AR: variants seen among roughly 807,000 people sequenced by gnomAD.
AR encodes dihydrotestosterone receptor.
AR carries 8 observed loss-of-function variants against 53.9 expected under a neutral mutation model. That is an observed-to-expected ratio of 0.15 (90% CI 0.09 to 0.27). The LOEUF is 0.27. Among genes scored for constraint, AR ranks in the 10% least tolerant of loss-of-function variants. The pLI is 1.00. For synonymous variants in AR, 359 were observed against 316.4 expected, an observed-to-expected ratio of 1.13 and a Z score of -1.43; for missense variants, 639 against 742.5, an observed-to-expected ratio of 0.86 and a Z score of 1.62.
chrX:67,664,359 G>A (rs1180125231), intron 2 of AR, among the ~76,000 whole-genome samples: 1 of 112,226 alleles, frequency 8.9e-6, no homozygotes, highest in Non-Finnish European at 1.9e-5. Flanking sequence ...CTGCAGGTCT[G>A]TTGGAGTTTG....
chrX:67,628,099 A>G (rs1230365035), intron 1 of AR, among the ~76,000 whole-genome samples: 1 of 111,600 alleles, frequency 9.0e-6, no homozygotes, highest in Non-Finnish European at 1.9e-5. Flanking sequence ...CTTTTGGCTT[A>G]GGATTGACTT....
chrX:67,667,357 G>A (rs764855857), intron 2 of AR, among the ~76,000 whole-genome samples: 3 of 111,374 alleles, frequency 2.7e-5, no homozygotes, highest in Non-Finnish European at 5.7e-5. Flanking sequence ...TTGAAAATAA[G>A]TTCACTGTAG....
At chrX:67,658,911 ACCTT>A (rs1212987701) in intron 2 of AR, among the ~76,000 whole-genome samples, 1 of 111,595 alleles carries the variant, frequency 9.0e-6, no homozygotes, top group Non-Finnish European at 1.9e-5. Context: ...TGATAACCAA[ACCTT>A]TACGAATAGT....
chrX:67,672,602 T>TA (rs964448441), intron 2 of AR, among the ~76,000 whole-genome samples: 1 of 111,511 alleles, frequency 9.0e-6, no homozygotes, highest in Non-Finnish European at 1.9e-5. Context: ...CTCTATCGCA[T>TA]AAAAAAACAT....
intron 2 of AR, among the ~76,000 whole-genome samples, chrX:67,665,244 G>A (rs899549346): frequency 7.1e-5 from 8 of 112,158 alleles, no homozygotes; most frequent in African/African-American, 1.9e-4. Flanking sequence ...GTTCCTATTC[G>A]GCCATCTTCA....
At chrX:67,695,832 CACAT>C in intron 3 of AR, 1 of 748,596 alleles carries the variant, frequency 1.3e-6, no homozygotes, top group Middle Eastern at 7.6e-4. Context: ...CACACACACA[CACAT>C]ACACACACAC....
intron 1 of AR, among the ~76,000 whole-genome samples, chrX:67,616,560 G>A (rs1027830019): frequency 7.2e-5 from 8 of 111,280 alleles, no homozygotes; most frequent in Middle Eastern, 4.6e-3. Flanking sequence ...GTAGTCCATC[G>A]TGTATATGTG....
intron 1 of AR, among the ~76,000 whole-genome samples, chrX:67,571,693 A>AT (rs979271501): frequency 9.0e-6 from 1 of 111,298 alleles, no homozygotes; most frequent in African/African-American, 3.3e-5. Context: ...TATTCAAATA[A>AT]TTTTTTTAAT....
intron 2 of AR, among the ~76,000 whole-genome samples, chrX:67,648,069 C>T (rs1464070816): frequency 8.9e-6 from 1 of 111,759 alleles, no homozygotes; most frequent in Non-Finnish European, 1.9e-5. Flanking sequence ...TATAAATCTG[C>T]ATAGGTTTTA....
At chrX:67,626,301 G>T (rs1404505350) in intron 1 of AR, among the ~76,000 whole-genome samples, 1 of 109,685 alleles carries the variant, frequency 9.1e-6, no homozygotes, top group Non-Finnish European at 1.9e-5. Flanking sequence ...GAGATAGACA[G>T]AACTAATTTT....
At position 67,581,467 on chromosome X, in the gene AR, C is replaced by T. The variant is rs144559117; in HGVS notation, c.1616+34705C>T. Reference sequence around the variant, plus strand: ...CCTATGAAGTTATATCATGTTCAGGCCTTCTTTCCAGCATGTGGCTCTCAG... The same window carrying T: ...CCTATGAAGTTATATCATGTTCAGGTCTTCTTTCCAGCATGTGGCTCTCAG... On this transcript the variant is annotated intron_variant, in intron 1 of 7. Coordinates refer to ENST00000374690, the MANE Select transcript of AR (RefSeq NM_000044.6). Among the ~76,000 whole-genome samples, 481 of 111,565 alleles carry T rather than the reference C, an allele frequency of 4.3e-3. 3 individuals carry two copies. Among genetic ancestry groups the T allele is most frequent in the African/African-American group, 0.015 (460 of 30,802 alleles).
At chrX:67,691,142 G>T (rs1332802085) in intron 3 of AR, among the ~76,000 whole-genome samples, 1 of 111,985 alleles carries the variant, frequency 8.9e-6, no homozygotes, top group Non-Finnish European at 1.9e-5. Flanking sequence ...TTTTAGGAAG[G>T]CCAGCTAGAG....
At chrX:67,690,601 C>T (rs1025216922) in intron 3 of AR, among the ~76,000 whole-genome samples, 3 of 112,102 alleles carry the variant, frequency 2.7e-5, no homozygotes, top group African/African-American at 9.7e-5. Context: ...TTCATCTTTT[C>T]ATCCATTTAC....
chrX:67,632,453 C>A (rs902600474), intron 1 of AR, among the ~76,000 whole-genome samples: 8 of 112,571 alleles, frequency 7.1e-5, no homozygotes, highest in African/African-American at 2.6e-4. Flanking sequence ...AACTCCCTGA[C>A]CCCTTGCGCT....
intron 2 of AR, among the ~76,000 whole-genome samples, chrX:67,675,774 G>A (rs1382490919): frequency 8.9e-6 from 1 of 111,803 alleles, no homozygotes; most frequent in East Asian, 2.8e-4. Context: ...CTGATTTTTG[G>A]TTCTTATGAA....
chrX:67,676,129 C>T (rs185365351), intron 2 of AR, among the ~76,000 whole-genome samples: 261 of 112,200 alleles, frequency 2.3e-3, no homozygotes, highest in African/African-American at 7.6e-3. Flanking sequence ...TTCTAGGAGT[C>T]TCCTTACCAT....
chrX:67,680,720 G>T, intron 2 of AR: 1 of 330,509 alleles, frequency 3.0e-6, no homozygotes, highest in South Asian at 2.6e-5. Flanking sequence ...TTCCAAACAG[G>T]ATTTTTCAGA....
chrX:67,660,531 C>T (rs1210079798), intron 2 of AR, among the ~76,000 whole-genome samples: 10 of 111,061 alleles, frequency 9.0e-5, no homozygotes, highest in African/African-American at 1.6e-4. Flanking sequence ...TGTATATATG[C>T]GGCATTATTT....
chrX:67,686,130 A>T lies in AR; in HGVS notation c.1885+4A>T, dbSNP rs372585782. The T allele has an allele frequency of 5.4e-5, 65 of 1,202,721 alleles. No homozygotes were observed. Among genetic ancestry groups the T allele is most frequent in the Non-Finnish European group, 7.1e-5 (63 of 889,338 alleles). Reference sequence around the variant, plus strand: ...GAAGCAGGGATGACTCTGGGAGGTAAGATACTTTTCTTTCTCTTCCTCCTC... The same window carrying T: ...GAAGCAGGGATGACTCTGGGAGGTATGATACTTTTCTTTCTCTTCCTCCTC... On this transcript the variant is annotated splice_donor_region_variant and intron_variant, in intron 3 of 7. Transcript: ENST00000374690.
Sources: allele counts gnomAD v4.1 joint callset (sites outside exome capture counted in the v4.1 genomes callset), GRCh38; gene constraint gnomAD v4.1.1; transcripts MANE v1.5; gene names NCBI Gene and HGNC (gene_info 2026-07-23, HGNC 2026-07-21).